Variants in ETFBKMT observed in about 807,000 individuals in gnomAD.
ETFBKMT encodes the protein electron transfer flavoprotein beta subunit lysine methyltransferase.
A neutral mutation model predicts 18.3 loss-of-function variants in ETFBKMT; 13 were observed. The observed-to-expected ratio is 0.71, with a 90% CI of 0.46 to 1.13. The LOEUF (loss-of-function observed/expected upper bound fraction) is 1.13. Ranked by LOEUF, ETFBKMT falls within the 50% of genes most tolerant of loss-of-function variation. ETFBKMT has a pLI of 0.00. For synonymous variants in ETFBKMT, 84 were observed against 107.9 expected, an observed-to-expected ratio of 0.78 and a Z score of 1.37; for missense variants, 293 against 306.2, an observed-to-expected ratio of 0.96 and a Z score of 0.32.
Position 31,667,695 on chromosome 12 carries a change from C to A in ETFBKMT, c.494C>A (p.Pro165His). 2 of 1,613,526 alleles carry A rather than the reference C, an allele frequency of 1.2e-6. No individual in the cohort carries two copies. The highest frequency in any genetic ancestry group is 1.1e-5 in the South Asian group (1 of 91,050). ...TLNCELNRLNPFPILIQNILN... is the reference protein window; with the variant it reads ...TLNCELNRLNHFPILIQNILN... ...AATTGTGAATTGAACAGACTGAATC[C>A]TTTTCCTATTTTAATCCAAAACATT... Residue 165 changes from proline to histidine, a missense_variant, in exon 4 of 4, where the codon CCT becomes CAT. Coordinates refer to ENST00000357721, the MANE Select transcript of ETFBKMT (RefSeq NM_001135863.2).
Position 31,668,197 on chromosome 12 carries a change from T to G in ETFBKMT, c.*207T>G. ...TATGCATGCCAATTATACACATCTC[T>G]ATCTGCATTTTTTTTTCTATTTTAA... On this transcript the variant is annotated 3_prime_UTR_variant, in exon 4 of 4. Transcript: ENST00000357721. 2 of 494,762 alleles carry G rather than the reference T, an allele frequency of 4.0e-6. No individual in the cohort carries two copies. The highest frequency in any genetic ancestry group is 3.5e-6 in the Non-Finnish European group (1 of 282,820). 30.6% of individuals were successfully genotyped at this position (494,762 alleles called of 1,614,324 possible). A position where few individuals can be genotyped will look rare whatever the true frequency, so the allele number is the denominator to read the frequency against.
At chr12:31,654,404 T>C (rs1022745722), upstream of ETFBKMT, among the ~76,000 whole-genome samples, 10 of 152,214 alleles carry the variant, frequency 6.6e-5, no homozygotes, top group African/African-American at 2.4e-4. Flanking sequence ...CCATATGATC[T>C]AGCCATTGCA....
upstream of ETFBKMT, among the ~76,000 whole-genome samples, chr12:31,658,032 C>A (rs1221329860): frequency 6.6e-6 from 1 of 152,184 alleles, no homozygotes; most frequent in Non-Finnish European, 1.5e-5. Context: ...TCAGTGATGA[C>A]TACCAAGCTT....
At chr12:31,648,557 CTTTTT>C (rs764501978) in intron 1 of ETFBKMT, among the ~76,000 whole-genome samples, 1 of 82,986 alleles carries the variant, frequency 1.2e-5, no homozygotes, top group Non-Finnish European at 2.1e-5. Flanking sequence ...AGATGGGTTT[CTTTTT>C]TTTTTTTTTT....
At chr12:31,654,822 G>A (rs911014886), upstream of ETFBKMT, among the ~76,000 whole-genome samples, 2 of 152,160 alleles carry the variant, frequency 1.3e-5, no homozygotes, top group African/African-American at 4.8e-5. Context: ...TCGGGAGGCT[G>A]AGGTGGGCAG....
chr12:31,672,241 G>T lies in ETFBKMT; in HGVS notation c.*4251G>T. The T allele has an allele frequency of 9.0e-7, 1 of 1,114,002 alleles. No homozygotes were observed. Among genetic ancestry groups the T allele is most frequent in the Non-Finnish European group, 1.3e-6 (1 of 750,826 alleles). The allele number at this position is 1,114,002 out of a possible 1,614,324, so 69.0% of individuals were successfully genotyped here. A position where few individuals can be genotyped will look rare whatever the true frequency, so the allele number is the denominator to read the frequency against. On this transcript the variant is annotated 3_prime_UTR_variant, in exon 4 of 4. Coordinates refer to ENST00000357721, the MANE Select transcript of ETFBKMT (RefSeq NM_001135863.2). ...ATTAAGTAGAATGCAAATCTCTATA[G>T]ATGGTTTCCTGGGAAAGTAGTTTTG...
chr12:31,672,436 T>TCCAGTTAGA lies in ETFBKMT; in HGVS notation c.*4447_*4448insCAGTTAGAC. 8.2e-7 allele frequency: 1 copy of TCCAGTTAGA among 1,222,834 alleles called. No homozygotes were observed. Among genetic ancestry groups the TCCAGTTAGA allele is most frequent in the Non-Finnish European group, 1.2e-6 (1 of 849,224 alleles). The allele number at this position is 1,222,834 out of a possible 1,614,324, so 75.7% of individuals were successfully genotyped here. ...ACAATAAAAAATGTTTAATGTTTCC[T>TCCAGTTAGA]CATGTCTAACTGGAGGTGATGTTAA... is the stretch of plus-strand genomic sequence containing the variant. On this transcript the variant is annotated 3_prime_UTR_variant, in exon 4 of 4. Coordinates refer to ENST00000357721, the MANE Select transcript of ETFBKMT (RefSeq NM_001135863.2).
Position 31,667,661 on chromosome 12 carries a change from A to G in ETFBKMT, c.460A>G (p.Ile154Val). The change falls in exon 4 of 4, where the codon ATT becomes GTT. Residue 154 changes from isoleucine (I) to valine (V), a missense_variant. By Grantham distance (29) the Ile-to-Val change is conservative. Transcript: ENST00000357721. Reference sequence around the variant, plus strand: ...TTTTTTTTAAGTTGCAGGAATGGCTATTACACTAAATTGTGAATTGAACAG... The same window carrying G: ...TTTTTTTTAAGTTGCAGGAATGGCTGTTACACTAAATTGTGAATTGAACAG... ...NDIDPIAGMA[I>V]TLNCELNRLN... The G allele has an allele frequency of 1.2e-6, 2 of 1,605,614 alleles. No individual in the cohort carries two copies. Among genetic ancestry groups the G allele is most frequent in the East Asian group, 2.2e-5 (1 of 44,786 alleles).
At chr12:31,664,040 T>G (rs1425385582) in intron 2 of ETFBKMT, among the ~76,000 whole-genome samples, 1 of 151,400 alleles carries the variant, frequency 6.6e-6, no homozygotes, top group African/African-American at 2.4e-5. Context: ...ATGTCCTGTT[T>G]CTGCTATCTT....
intron 1 of ETFBKMT, among the ~76,000 whole-genome samples, chr12:31,652,087 C>T (rs577156229): frequency 4.6e-5 from 7 of 152,234 alleles, no homozygotes; most frequent in African/African-American, 1.4e-4. Context: ...CCAGGCTTCC[C>T]CTGCGCACAG....
At chr12:31,664,995 G>T (rs1180767490) in intron 2 of ETFBKMT, among the ~76,000 whole-genome samples, 1 of 143,534 alleles carries the variant, frequency 7.0e-6, no homozygotes, top group East Asian at 2.1e-4. Context: ...GGAGTGCAAT[G>T]GCTTGATCTC....
upstream of ETFBKMT, among the ~76,000 whole-genome samples, chr12:31,658,395 G>C (rs1294944869): frequency 6.6e-6 from 1 of 152,178 alleles, no homozygotes; most frequent in Admixed American, 6.5e-5. Context: ...AAGGTGTATA[G>C]CTTATCAACA....
intron 1 of ETFBKMT, among the ~76,000 whole-genome samples, chr12:31,651,086 A>T (rs954064809): frequency 6.6e-6 from 1 of 152,076 alleles, no homozygotes; most frequent in Non-Finnish European, 1.5e-5. Flanking sequence ...GTATGATAAC[A>T]TCAAGGCCAC....
In ETFBKMT at chr12:31,661,982, A is replaced by T; in HGVS notation, c.29A>T (p.His10Leu). The T allele has an allele frequency of 6.2e-7, 1 of 1,614,150 alleles. No homozygotes were observed. The highest frequency in any genetic ancestry group is 1.7e-5 in the Admixed American group (1 of 60,012). MALSLGWKA[H>L]RNHCGLLLQA... ...GCTTTGAGTCTAGGTTGGAAAGCAC[A>T]CAGGAACCACTGTGGTCTCCTCTTG... The change falls in exon 2 of 4, where the codon CAC becomes CTC. Residue 10 changes from histidine to leucine, a missense_variant. Physicochemically the swap from His to Leu is moderately conservative, Grantham distance 99. Coordinates refer to ENST00000357721, the MANE Select transcript of ETFBKMT (RefSeq NM_001135863.2).
In ETFBKMT at chr12:31,672,034, C is replaced by A; in HGVS notation, c.*4044C>A. The A allele has an allele frequency of 3.1e-6, 1 of 317,754 alleles. No individual in the cohort carries two copies. The highest frequency in any genetic ancestry group is 4.5e-5 in the Admixed American group (1 of 22,326). The allele number at this position is 317,754 out of a possible 1,614,324, so 19.7% of individuals were successfully genotyped here. A position where few individuals can be genotyped will look rare whatever the true frequency, so the allele number is the denominator to read the frequency against. On this transcript the variant is annotated 3_prime_UTR_variant, in exon 4 of 4. Coordinates refer to ENST00000357721, the MANE Select transcript of ETFBKMT (RefSeq NM_001135863.2). Reference sequence around the variant, plus strand: ...GTTATTTAAGAAACAGAATCCAACACCATAGATCAGAGTTCATGCTAGGAT... The same window carrying A: ...GTTATTTAAGAAACAGAATCCAACAACATAGATCAGAGTTCATGCTAGGAT...
In ETFBKMT at chr12:31,665,096, C is replaced by G. The variant is rs188076290; in HGVS notation, c.315-991C>G. Reference sequence around the variant, plus strand: ...GGATTGCAGGTGCCCGCCACCACACCTGGCTAATTTTTGTATTTTTAGTAG... The same window carrying G: ...GGATTGCAGGTGCCCGCCACCACACGTGGCTAATTTTTGTATTTTTAGTAG... On this transcript the variant is annotated intron_variant, in intron 2 of 3. Coordinates refer to ENST00000357721, the MANE Select transcript of ETFBKMT (RefSeq NM_001135863.2). Among the ~76,000 whole-genome samples the G allele has an allele frequency of 3.0e-3, 453 of 151,724 alleles. 5 individuals are homozygous for G. Among genetic ancestry groups the G allele is most frequent in the African/African-American group, 0.01 (424 of 41,356 alleles).
upstream of ETFBKMT, among the ~76,000 whole-genome samples, chr12:31,655,650 G>A (rs890858406): frequency 5.9e-5 from 9 of 152,284 alleles, no homozygotes; most frequent in Non-Finnish European, 1.2e-4. Flanking sequence ...CTCATGTATA[G>A]CATAGATGTA....
At chr12:31,657,423 G>T (rs538936297), upstream of ETFBKMT, among the ~76,000 whole-genome samples, 5 of 152,216 alleles carry the variant, frequency 3.3e-5, no homozygotes, top group South Asian at 4.1e-4. Context: ...TGCTTTGTCT[G>T]GGACTAAAGG....
Position 31,672,317 on chromosome 12 carries a change from C to T in ETFBKMT, c.*4327C>T. On this transcript the variant is annotated 3_prime_UTR_variant, in exon 4 of 4. Coordinates refer to ENST00000357721, the MANE Select transcript of ETFBKMT (RefSeq NM_001135863.2). ...TTCAAAAAAGCATCAATAAACAGTCCATGTCACTTGCTTTAGTTTGTTTGG... is the reference window on the plus strand; with the variant it reads ...TTCAAAAAAGCATCAATAAACAGTCTATGTCACTTGCTTTAGTTTGTTTGG... 1 of 1,575,616 alleles carries T rather than the reference C, an allele frequency of 6.3e-7. No individual in the cohort carries two copies. The highest frequency in any genetic ancestry group is 1.2e-5 in the South Asian group (1 of 86,090).
Sources: allele counts gnomAD v4.1 joint callset (sites outside exome capture counted in the v4.1 genomes callset), GRCh38; gene constraint gnomAD v4.1.1; transcripts MANE v1.5; gene names NCBI Gene and HGNC (gene_info 2026-07-23, HGNC 2026-07-21).